FGFR1: variants seen among roughly 807,000 people sequenced by gnomAD.
FGFR1 encodes the protein fibroblast growth factor receptor 1.
A neutral mutation model predicts 93.7 loss-of-function variants in FGFR1; 18 were observed. That is an observed-to-expected ratio of 0.19 (90% confidence interval 0.13 to 0.28). The LOEUF (loss-of-function observed/expected upper bound fraction) is 0.28. Among genes scored for constraint, FGFR1 ranks in the 10% least tolerant of loss-of-function variants. The probability of loss-of-function intolerance (pLI) is 1.00; values close to 1 mark genes in which losing one functional copy is unlikely to be tolerated. For synonymous variants in FGFR1, 448 were observed against 429.3 expected (o/e 1.04, Z -0.54); for missense variants, 731 against 1,080.4 (o/e 0.68, Z 4.53).
chr8:38,424,226 G>A lies in FGFR1; in HGVS notation c.936+283C>T. 1 of 580,972 alleles carries A rather than the reference G, an allele frequency of 1.7e-6. No individual in the cohort carries two copies. The highest frequency in any genetic ancestry group is 3.3e-6 in the Non-Finnish European group (1 of 306,670). The allele number at this position is 580,972 out of a possible 1,614,324, so 36.0% of individuals were successfully genotyped here. On this transcript the variant is annotated intron_variant, in intron 7 of 17. Transcript: ENST00000447712. The surrounding 1 kb of genome is among the most constrained non-coding windows in gnomAD (Gnocchi z 4.3). Reference sequence around the variant, plus strand: ...GCAGGGGTCCAAATGCCTTCCTTGTGTAGCTGACCCCAAAGCCCCAGTGAC... The same window carrying A: ...GCAGGGGTCCAAATGCCTTCCTTGTATAGCTGACCCCAAAGCCCCAGTGAC...
chr8:38,467,046 G>C (rs894359019), intron 1 of FGFR1, among the ~76,000 whole-genome samples: 1 of 152,062 alleles, frequency 6.6e-6, no homozygotes, highest in African/African-American at 2.4e-5. Flanking sequence ...AACGGTAGGG[G>C]AAGCGAGGTG....
intron 2 of FGFR1, among the ~76,000 whole-genome samples, chr8:38,454,396 G>A (rs534125151): frequency 6.6e-6 from 1 of 152,118 alleles, no homozygotes; most frequent in South Asian, 2.1e-4. Context: ...CTCCTTTATC[G>A]CTGTCTACAA....
intron 2 of FGFR1, 65 bp downstream of exon 2, chr8:38,457,291 C>G: frequency 6.4e-7 from 1 of 1,570,378 alleles, no homozygotes; most frequent in South Asian, 1.1e-5. Flanking sequence ...ACCATATCAC[C>G]TCCCTCCCAG....
intron 2 of FGFR1, among the ~76,000 whole-genome samples, chr8:38,432,698 G>T (rs13259596): frequency 1.3e-5 from 2 of 152,152 alleles, no homozygotes; most frequent in South Asian, 2.1e-4. Context: ...GCCCAGCCGG[G>T]ATAATCTTTT....
rs922982631 is a variant in FGFR1 at position 38,468,584 on chromosome 8, C to T, written c.-692G>A. On this transcript the variant is annotated 5_prime_UTR_variant, in exon 1 of 18. Transcript: ENST00000447712. ...GTCCCGGCTCCCGCTAGCTGCCGCC[C>T]GCCGCCGAGGACGCCGCGCCTGTGG... 2.2e-5 allele frequency: 5 copies of T among 229,292 alleles called. No homozygotes were observed. The highest frequency in any genetic ancestry group is 8.9e-5 in the African/African-American group (4 of 45,088). 14.2% of individuals were successfully genotyped at this position (229,292 alleles called of 1,614,324 possible).
At chr8:38,462,231 C>T (rs1462601544) in intron 1 of FGFR1, among the ~76,000 whole-genome samples, 1 of 152,112 alleles carries the variant, frequency 6.6e-6, no homozygotes, top group Non-Finnish European at 1.5e-5. Context: ...ATTGGCCAGG[C>T]GCGGTGGCTC....
In FGFR1 at chr8:38,414,649, G is replaced by C. The variant is rs2072779757; in HGVS notation, c.1978-20C>G. The C allele has an allele frequency of 1.2e-6, 2 of 1,613,752 alleles. No homozygotes were observed. The highest frequency in any genetic ancestry group is 4.5e-5 in the East Asian group (2 of 44,872). On this transcript the variant is annotated intron_variant, in intron 14 of 17. Coordinates refer to ENST00000447712, the MANE Select transcript of FGFR1 (RefSeq NM_023110.3). ...TCGGCCCTGAAAGCAGCACAGGGGA[G>C]GTTGGAGTGGCCCCAGGCAGGGCCA...
At chr8:38,457,877 G>A (rs376867492) in intron 1 of FGFR1, among the ~76,000 whole-genome samples, 26 of 152,222 alleles carry the variant, frequency 1.7e-4, no homozygotes, top group African/African-American at 5.8e-4. Context: ...CAGTTACTTC[G>A]GAGGCTAAGG....
intron 2 of FGFR1, among the ~76,000 whole-genome samples, chr8:38,444,553 T>C (rs1828694405): frequency 7.3e-6 from 1 of 137,342 alleles, no homozygotes; most frequent in Non-Finnish European, 1.6e-5. Flanking sequence ...CACGCGTGGC[T>C]AAATTTTTTT....
Position 38,466,073 on chromosome 8 carries a change from CT to C in FGFR1, c.-89+1907del, listed in dbSNP as rs751209679. On this transcript the variant is annotated intron_variant, in intron 1 of 17. Coordinates refer to ENST00000447712, the MANE Select transcript of FGFR1 (RefSeq NM_023110.3). ...ACAAGGCGCTTTCCTGCCTCAAAGA[CT>C]ATTACCAAACACAACTCGAAAATCC... 7.5e-4 allele frequency: 174 copies of C among 231,254 alleles called. 1 individual carries two copies. Among genetic ancestry groups the C allele is most frequent in the Middle Eastern group, 2.6e-3 (2 of 770 alleles). The allele number at this position is 231,254 out of a possible 1,614,324, so 14.3% of individuals were successfully genotyped here.
Position 38,468,134 on chromosome 8 carries a change from G to A in FGFR1, c.-242C>T, listed in dbSNP as rs1835939913. On this transcript the variant is annotated 5_prime_UTR_variant, in exon 1 of 18. Coordinates refer to ENST00000447712, the MANE Select transcript of FGFR1 (RefSeq NM_023110.3). ...CTCCGCGGCCGGCGCTCGACTCCCG[G>A]CGGCGCTCGGTGCTCGGCGCCTCCA... 4.4e-6 allele frequency: 1 copy of A among 227,168 alleles called. No homozygotes were observed. The highest frequency in any genetic ancestry group is 5.7e-5 in the Admixed American group (1 of 17,548). The allele number at this position is 227,168 out of a possible 1,614,324, so 14.1% of individuals were successfully genotyped here.
intron 2 of FGFR1, among the ~76,000 whole-genome samples, chr8:38,453,254 G>A (rs1020666072): frequency 6.6e-6 from 1 of 152,134 alleles, no homozygotes; most frequent in African/African-American, 2.4e-5. Context: ...GGGGCTTTCC[G>A]TTGCTGTGTC....
chr8:38,412,638 G>A lies in FGFR1; in HGVS notation c.*990C>T, dbSNP rs1477714094. On this transcript the variant is annotated 3_prime_UTR_variant, in exon 18 of 18. Coordinates refer to ENST00000447712, the MANE Select transcript of FGFR1 (RefSeq NM_023110.3). ...CAAGGAACCTGCGCCGGGAGCATGC[G>A]GTGCCCTCGGGACAGACCTAGCCCC... The A allele has an allele frequency of 1.3e-5, 3 of 233,564 alleles. No homozygotes were observed. The highest frequency in any genetic ancestry group is 1.1e-4 in the Admixed American group (2 of 17,774). The allele number at this position is 233,564 out of a possible 1,614,324, so 14.5% of individuals were successfully genotyped here.
At chr8:38,461,982 T>C (rs1303785994) in intron 1 of FGFR1, among the ~76,000 whole-genome samples, 7 of 152,210 alleles carry the variant, frequency 4.6e-5, no homozygotes, top group Admixed American at 4.6e-4. Context: ...TCCATCTTCA[T>C]GTCTTATATT....
rs17182099 is a variant in FGFR1, at chr8:38,467,767, C to T, written c.-89+214G>A. On this transcript the variant is annotated intron_variant, in intron 1 of 17. Coordinates refer to ENST00000447712, the MANE Select transcript of FGFR1 (RefSeq NM_023110.3). ...GCGGGACGAGCGCAGGGAGGGGGCG[C>T]AGGAGACGCGGACGGAGGGAAGGGA... The T allele has an allele frequency of 5.4e-3, 1,259 of 233,120 alleles. 6 individuals carry two copies. The highest frequency in any genetic ancestry group is 8.2e-3 in the Non-Finnish European group (964 of 118,046). 14.4% of individuals were successfully genotyped at this position (233,120 alleles called of 1,614,324 possible). A position where few individuals can be genotyped will look rare whatever the true frequency, so the allele number is the denominator to read the frequency against.
rs552850028 is a variant in FGFR1 at position 38,417,207 on chromosome 8, C to A, written c.1663+99G>T. On this transcript the variant is annotated intron_variant, in intron 12 of 17. Coordinates refer to ENST00000447712, the MANE Select transcript of FGFR1 (RefSeq NM_023110.3). ...CTCTGCCAAAGCAGCCTCTCTTAAC[C>A]CCCTTCCCTAGCTGTGGCTGAGAGA... The A allele has an allele frequency of 1.2e-5, 11 of 935,866 alleles. No homozygotes were observed. The African/African-American group carries it at 1.3e-4, about 11-fold the overall frequency. 58.0% of individuals were successfully genotyped at this position (935,866 alleles called of 1,614,324 possible).
intron 2 of FGFR1, among the ~76,000 whole-genome samples, chr8:38,431,723 A>C (rs901683867): frequency 6.6e-6 from 1 of 152,176 alleles, no homozygotes; most frequent in African/African-American, 2.4e-5. Flanking sequence ...AGTTGTCAGA[A>C]ACAGGGGTAC....
rs376369060 is a variant in FGFR1, at chr8:38,428,448, G to A, written c.359-13C>T. 6.2e-7 allele frequency: 1 copy of A among 1,605,020 alleles called. No individual in the cohort carries two copies. The highest frequency in any genetic ancestry group is 1.7e-5 in the Admixed American group (1 of 58,662). Reference sequence around the variant, plus strand: ...GAGGGGAGAGCATCTATGGGAAGAAGAAGGGGCACTGAGGTTCCTCCTAGG... The same window carrying A: ...GAGGGGAGAGCATCTATGGGAAGAAAAAGGGGCACTGAGGTTCCTCCTAGG... On this transcript the variant is annotated splice_polypyrimidine_tract_variant and intron_variant, in intron 3 of 17. Coordinates refer to ENST00000447712, the MANE Select transcript of FGFR1 (RefSeq NM_023110.3).
intron 13 of FGFR1, among the ~76,000 whole-genome samples, chr8:38,415,468 ATTTTTTT>A (rs11451619): frequency 7.1e-6 from 1 of 141,690 alleles, no homozygotes; most frequent in Admixed American, 7.0e-5. Flanking sequence ...TAATTTTTTA[ATTTTTTT>A]TTTTTTTTTA....
Sources: gnomAD v4.1 joint callset for allele counts (sites outside exome capture counted in the v4.1 genomes callset) on GRCh38, gnomAD v4.1.1 for gene constraint, Gnocchi (gnomAD v3.1) non-coding constraint, MANE v1.5 for transcripts, NCBI Gene and HGNC (gene_info 2026-07-23, HGNC 2026-07-21) for gene names.